The following FBXO28 variants were observed in gnomAD, a reference collection of about 807,000 sequenced individuals.
The protein encoded by FBXO28 is F-box protein 28, also known as F-box only protein 28.
FBXO28 carries 8 observed loss-of-function variants against 38.1 expected under a neutral mutation model. The observed-to-expected ratio is 0.21, with a 90% CI of 0.12 to 0.38. The LOEUF (loss-of-function observed/expected upper bound fraction) is 0.38, where lower values mean the gene tolerates loss of function less well. Ranked by LOEUF, FBXO28 falls within the 10% of genes least tolerant of loss-of-function variation. The pLI is 1.00. For synonymous variants in FBXO28, 168 were observed against 173.8 expected (o/e 0.97, Z 0.26); for missense variants, 345 against 460.6 (o/e 0.75, Z 2.30).
intron 1 of FBXO28, among the ~76,000 whole-genome samples, chr1:224,121,234 AC>A (rs1346045991): frequency 3.3e-5 from 5 of 152,202 alleles, no homozygotes; most frequent in Admixed American, 2.6e-4. Flanking sequence ...ATAATCAAAA[AC>A]TGAGAACAAT....
chr1:224,146,724 G>A (rs1180743576), intron 3 of FBXO28, among the ~76,000 whole-genome samples: 1 of 21,316 alleles, frequency 4.7e-5, no homozygotes, highest in African/African-American at 2.3e-4. Context: ...TTTTTTTTTT[G>A]GGAGACTGAG....
chr1:224,158,652 C>G lies in FBXO28; in HGVS notation c.*906C>G, dbSNP rs1243209532. The G allele has an allele frequency of 6.6e-6, 1 of 152,176 alleles. No homozygotes were observed. The highest frequency in any genetic ancestry group is 6.6e-5 in the Admixed American group (1 of 15,266). 9.4% of individuals were successfully genotyped at this position (152,176 alleles called of 1,614,324 possible). On this transcript the variant is annotated 3_prime_UTR_variant, in exon 5 of 5. Coordinates refer to ENST00000366862, the MANE Select transcript of FBXO28 (RefSeq NM_015176.4). ...CTGCTCTCTGTAGGGTTCAGGTACACTGGCTAAGGCAGAACCCCAAATTTC... is the reference window on the plus strand; with the variant it reads ...CTGCTCTCTGTAGGGTTCAGGTACAGTGGCTAAGGCAGAACCCCAAATTTC...
chr1:224,154,705 G>A (rs560072344), intron 4 of FBXO28, among the ~76,000 whole-genome samples: 36 of 152,274 alleles, frequency 2.4e-4, no homozygotes, highest in Non-Finnish European at 2.6e-4. Context: ...CTACTCAGGA[G>A]GCTGAGGCAG....
intron 3 of FBXO28, among the ~76,000 whole-genome samples, chr1:224,134,564 G>T (rs1024722532): frequency 6.6e-6 from 1 of 152,144 alleles, no homozygotes; most frequent in East Asian, 1.9e-4. Flanking sequence ...TTTTGGGGAG[G>T]TAGAAAAGGA....
intron 1 of FBXO28, among the ~76,000 whole-genome samples, chr1:224,128,070 G>C (rs1656946449): frequency 6.6e-6 from 1 of 151,998 alleles, no homozygotes; most frequent in African/African-American, 2.4e-5. Context: ...AACCCAGTTT[G>C]CCAGGATTTT....
chr1:224,153,428 TTAG>T (rs1215558413), intron 4 of FBXO28, 91 bp downstream of exon 4: 1 of 887,478 alleles, frequency 1.1e-6, no homozygotes, highest in Non-Finnish European at 1.7e-6. Context: ...CTTTTCTGTG[TTAG>T]TAGTTGTTTA....
At position 224,160,676 on chromosome 1, in the gene FBXO28, A is replaced by G. The variant is rs993958881; in HGVS notation, c.*2930A>G. The G allele has an allele frequency of 9.3e-6, 1 of 107,826 alleles. No homozygotes were observed. The highest frequency in any genetic ancestry group is 1.0e-4 in the Admixed American group (1 of 9,850). The allele number at this position is 107,826 out of a possible 1,614,324, so 6.7% of individuals were successfully genotyped here. A position where few individuals can be genotyped will look rare whatever the true frequency, so the allele number is the denominator to read the frequency against. On this transcript the variant is annotated 3_prime_UTR_variant, in exon 5 of 5. Transcript: ENST00000366862. ...AGTCATTATACTTTAAAATAGTTTT[A>G]AAGACTATTGGGGTACCATCAGGTC...
intron 3 of FBXO28, among the ~76,000 whole-genome samples, chr1:224,142,509 T>C (rs572682430): frequency 1.7e-4 from 26 of 151,714 alleles, no homozygotes. Context: ...CGTTTCGTTA[T>C]AATATTGATG....
chr1:224,152,577 G>T (rs988768075), intron 3 of FBXO28, among the ~76,000 whole-genome samples: 1 of 152,068 alleles, frequency 6.6e-6, no homozygotes, highest in Non-Finnish European at 1.5e-5. Flanking sequence ...TATTCATCCT[G>T]ATTCCTCAGT....
intron 1 of FBXO28, among the ~76,000 whole-genome samples, chr1:224,129,370 C>CT (rs1312683965): frequency 6.6e-6 from 1 of 152,110 alleles, no homozygotes; most frequent in Non-Finnish European, 1.5e-5. Flanking sequence ...TATACAGTGT[C>CT]TAATATAAAG....
rs987078729 is a variant in FBXO28, at chr1:224,158,806, A to C, written c.*1060A>C. 6.6e-6 allele frequency: 1 copy of C among 152,610 alleles called. No individual in the cohort carries two copies. The highest frequency in any genetic ancestry group is 2.1e-4 in the South Asian group (1 of 4,832). The allele number at this position is 152,610 out of a possible 1,614,324, so 9.5% of individuals were successfully genotyped here. A position where few individuals can be genotyped will look rare whatever the true frequency, so the allele number is the denominator to read the frequency against. ...TTGCGGGATGCAGTTTTGCCATTGC[A>C]GCAAAGTTCATTGAGGAAAATTGTA... On this transcript the variant is annotated 3_prime_UTR_variant, in exon 5 of 5. Transcript: ENST00000366862.
Position 224,120,761 on chromosome 1 carries a change from G to A in FBXO28, c.267+6365G>A, listed in dbSNP as rs564726792. Reference sequence around the variant, plus strand: ...ACTTGTAATCCCAGCTACTCAGGAGGCTGAGGCAGGAGAATCACTCGGACC... The same window carrying A: ...ACTTGTAATCCCAGCTACTCAGGAGACTGAGGCAGGAGAATCACTCGGACC... On this transcript the variant is annotated intron_variant, in intron 1 of 4. Transcript: ENST00000366862. Among the ~76,000 whole-genome samples, 7 of 152,028 alleles carry A rather than the reference G, an allele frequency of 4.6e-5. No homozygotes were observed. The South Asian group carries it at 1.5e-3, about 32-fold the overall frequency.
intron 1 of FBXO28, among the ~76,000 whole-genome samples, chr1:224,117,963 G>GA (rs1656679930): frequency 6.6e-6 from 1 of 151,780 alleles, no homozygotes; most frequent in Admixed American, 6.6e-5. Flanking sequence ...CTTACCTACT[G>GA]AAAAACAAGT....
intron 1 of FBXO28, among the ~76,000 whole-genome samples, chr1:224,128,999 A>AC (rs1553289041): frequency 1.3e-5 from 2 of 151,534 alleles, no homozygotes; most frequent in African/African-American, 2.4e-5. Context: ...AAAAAAAAAA[A>AC]AAAACTATAT....
At chr1:224,115,897 T>C (rs1284530147) in intron 1 of FBXO28, among the ~76,000 whole-genome samples, 1 of 152,184 alleles carries the variant, frequency 6.6e-6, no homozygotes, top group Non-Finnish European at 1.5e-5. Flanking sequence ...TGTTTGTTGA[T>C]CATTTTACTA....
intron 2 of FBXO28, among the ~76,000 whole-genome samples, chr1:224,132,917 A>G (rs59162484): frequency 3.3e-5 from 5 of 152,172 alleles, no homozygotes; most frequent in African/African-American, 7.2e-5. Context: ...TGAAAACATA[A>G]TGTTTGCACA....
chr1:224,139,523 C>G (rs537189230), intron 3 of FBXO28, among the ~76,000 whole-genome samples: 1 of 151,722 alleles, frequency 6.6e-6, no homozygotes, highest in African/African-American at 2.4e-5. Context: ...GCGGGCAGAT[C>G]ACAAGATCGA....
chr1:224,147,420 C>CAAA (rs11405030), intron 3 of FBXO28, among the ~76,000 whole-genome samples: 20 of 139,144 alleles, frequency 1.4e-4, no homozygotes, highest in African/African-American at 3.7e-4. Context: ...GAGACTGTGT[C>CAAA]AAAAAAAAAA....
intron 1 of FBXO28, among the ~76,000 whole-genome samples, chr1:224,127,148 A>G (rs1206193021): frequency 1.3e-5 from 2 of 148,930 alleles, no homozygotes; most frequent in Admixed American, 6.8e-5. Flanking sequence ...CACAGGGTCC[A>G]TAAGATGTAA....
Sources: allele counts gnomAD v4.1 joint callset (sites outside exome capture counted in the v4.1 genomes callset), GRCh38; gene constraint gnomAD v4.1.1; transcripts MANE v1.5; gene names NCBI Gene and HGNC (gene_info 2026-07-23, HGNC 2026-07-21).